Variants in GMPS observed in about 807,000 individuals in gnomAD.
GMPS encodes guanosine monophosphate synthase, also known as GMP synthase [glutamine-hydrolyzing].
In GMPS, 15 loss-of-function variants were observed where a neutral mutation model predicts 77.9. The observed-to-expected ratio is 0.19, with a 90% confidence interval of 0.13 to 0.30. The LOEUF is 0.30. Ranked by LOEUF, GMPS falls within the 10% of genes least tolerant of loss-of-function variation. The probability of loss-of-function intolerance (pLI) is 1.00; values close to 1 mark genes in which losing one functional copy is unlikely to be tolerated. For synonymous variants in GMPS, 224 were observed against 275.9 expected (o/e 0.81, Z 1.86); for missense variants, 590 against 838.8 (o/e 0.70, Z 3.66).
intron 3 of GMPS, among the ~76,000 whole-genome samples, chr3:155,903,120 A>G (rs974002414): frequency 1.3e-5 from 2 of 152,336 alleles, no homozygotes. Flanking sequence ...ATATCTTCTG[A>G]TATCTGTTGT....
chr3:155,932,343 A>G (rs1755648608), intron 13 of GMPS, among the ~76,000 whole-genome samples: 1 of 151,928 alleles, frequency 6.6e-6, no homozygotes, highest in South Asian at 2.1e-4. Flanking sequence ...CCCCCACTCC[A>G]AACAAAAATG....
At chr3:155,911,876 TA>T (rs1344413715) in intron 7 of GMPS, among the ~76,000 whole-genome samples, 1 of 151,890 alleles carries the variant, frequency 6.6e-6, no homozygotes, top group African/African-American at 2.4e-5. Flanking sequence ...TTTCCCACTC[TA>T]TTTAATGATA....
intron 1 of GMPS, among the ~76,000 whole-genome samples, chr3:155,873,289 A>G (rs12491537): frequency 6.6e-6 from 1 of 151,848 alleles, no homozygotes; most frequent in East Asian, 1.9e-4. Context: ...TTAATTTTTA[A>G]TTTATATTAT....
chr3:155,927,939 C>T (rs951370368), intron 12 of GMPS, among the ~76,000 whole-genome samples: 1 of 146,256 alleles, frequency 6.8e-6, no homozygotes, highest in Non-Finnish European at 1.5e-5. Context: ...TTAAACTGTT[C>T]TGTTTTTTAT....
At chr3:155,871,522 C>G (rs886258746) in intron 1 of GMPS, among the ~76,000 whole-genome samples, 3 of 152,226 alleles carry the variant, frequency 2.0e-5, no homozygotes, top group African/African-American at 4.8e-5. Flanking sequence ...TCCCCCTCCC[C>G]CAACGCCCCT....
Position 155,939,050 on chromosome 3 carries a change from G to A in GMPS, c.*1358G>A. 1 of 218,538 alleles carries A rather than the reference G, an allele frequency of 4.6e-6. No homozygotes were observed. The highest frequency in any genetic ancestry group is 9.2e-6 in the Non-Finnish European group (1 of 108,756). 13.5% of individuals were successfully genotyped at this position (218,538 alleles called of 1,614,324 possible). A position where few individuals can be genotyped will look rare whatever the true frequency, so the allele number is the denominator to read the frequency against. ...TAGACAAACAACAAAATGATGCGTG[G>A]CAGAAGTCATCTTTTTATTCTGGCT... On this transcript the variant is annotated 3_prime_UTR_variant, in exon 16 of 16. Coordinates refer to ENST00000496455, the MANE Select transcript of GMPS (RefSeq NM_003875.3).
intron 11 of GMPS, among the ~76,000 whole-genome samples, chr3:155,923,260 GAA>G (rs1358666343): frequency 6.6e-6 from 1 of 151,966 alleles, no homozygotes; most frequent in African/African-American, 2.4e-5. Context: ...TGAACTAAAA[GAA>G]AGTTGTTTAG....
chr3:155,929,893 T>C (rs1370541865), intron 12 of GMPS, among the ~76,000 whole-genome samples: 1 of 136,290 alleles, frequency 7.3e-6, no homozygotes, highest in African/African-American at 2.7e-5. Context: ...GAACATTCCA[T>C]GCTCATGGGT....
chr3:155,901,754 A>T (rs1754743899), intron 3 of GMPS, among the ~76,000 whole-genome samples: 1 of 151,570 alleles, frequency 6.6e-6, no homozygotes, highest in African/African-American at 2.4e-5. Context: ...TCATACGTTT[A>T]TTTGCCATTT....
At chr3:155,918,357 C>A (rs1028838905) in intron 9 of GMPS, among the ~76,000 whole-genome samples, 6 of 152,290 alleles carry the variant, frequency 3.9e-5, no homozygotes, top group Middle Eastern at 3.4e-3. Flanking sequence ...GAGGCTGAGG[C>A]AGGAGAATTG....
chr3:155,939,615 T>G lies in GMPS; in HGVS notation c.*1923T>G. On this transcript the variant is annotated 3_prime_UTR_variant, in exon 16 of 16. Coordinates refer to ENST00000496455, the MANE Select transcript of GMPS (RefSeq NM_003875.3). ...TTGTTAAATTCTGCTTAAATTAGTGTTTTCCTGATATTTGTTTTTTGAACA... is the reference window on the plus strand; with the variant it reads ...TTGTTAAATTCTGCTTAAATTAGTGGTTTCCTGATATTTGTTTTTTGAACA... 1 of 196,706 alleles carries G rather than the reference T, an allele frequency of 5.1e-6. No individual in the cohort carries two copies. The highest frequency in any genetic ancestry group is 1.1e-5 in the Non-Finnish European group (1 of 94,690). The allele number at this position is 196,706 out of a possible 1,614,324, so 12.2% of individuals were successfully genotyped here. A position where few individuals can be genotyped will look rare whatever the true frequency, so the allele number is the denominator to read the frequency against.
Position 155,894,698 on chromosome 3 carries a change from T to G in GMPS, c.209+999T>G, listed in dbSNP as rs35510283. Reference sequence around the variant, plus strand: ...TTTATTTTTCTTAAAAGAATTGTCTTTCCAGTGTGAAAGTGGTTAAAAGAA... The same window carrying G: ...TTTATTTTTCTTAAAAGAATTGTCTGTCCAGTGTGAAAGTGGTTAAAAGAA... On this transcript the variant is annotated intron_variant, in intron 2 of 15. Transcript: ENST00000496455. Among the ~76,000 whole-genome samples, 591 of 152,360 alleles carry G rather than the reference T, an allele frequency of 3.9e-3. 2 individuals are homozygous for G. The highest frequency in any genetic ancestry group is 7.4e-3 in the Non-Finnish European group (504 of 68,042).
intron 1 of GMPS, among the ~76,000 whole-genome samples, chr3:155,875,710 ATAT>A (rs1410201404): frequency 6.6e-6 from 1 of 152,214 alleles, no homozygotes; most frequent in Non-Finnish European, 1.5e-5. Context: ...GTTGCGTAGA[ATAT>A]TATTTTTTTC....
chr3:155,915,472 G>C (rs937850316), intron 8 of GMPS, among the ~76,000 whole-genome samples: 1 of 152,084 alleles, frequency 6.6e-6, no homozygotes, highest in Admixed American at 6.5e-5. Context: ...TGCAATCTTG[G>C]CTCACTGCAA....
chr3:155,932,719 C>T (rs780480651), intron 13 of GMPS, among the ~76,000 whole-genome samples: 21 of 152,256 alleles, frequency 1.4e-4, no homozygotes, highest in Non-Finnish European at 2.5e-4. Context: ...CTGCAGAAAT[C>T]AGAAGCTTAC....
At chr3:155,904,866 TG>T (rs1230278063) in intron 4 of GMPS, among the ~76,000 whole-genome samples, 1 of 152,184 alleles carries the variant, frequency 6.6e-6, no homozygotes, top group Non-Finnish European at 1.5e-5. Flanking sequence ...TCTAAAATTC[TG>T]GGACTCTATC....
rs1481071558 is a variant in GMPS, at chr3:155,942,728, C to T, written c.*5036C>T. 1.8e-5 allele frequency: 4 copies of T among 226,924 alleles called. No individual in the cohort carries two copies. The highest frequency in any genetic ancestry group is 8.9e-5 in the African/African-American group (4 of 45,020). The allele number at this position is 226,924 out of a possible 1,614,324, so 14.1% of individuals were successfully genotyped here. On this transcript the variant is annotated 3_prime_UTR_variant, in exon 16 of 16. Coordinates refer to ENST00000496455, the MANE Select transcript of GMPS (RefSeq NM_003875.3). ...TCTTTCTTCTTACTTCTTTACTTTT[C>T]CTTCAGAGAGGAGAAAGCCACCCCT...
chr3:155,875,795 A>G lies in GMPS; in HGVS notation c.27+4898A>G, dbSNP rs924951276. On this transcript the variant is annotated intron_variant, in intron 1 of 15. Coordinates refer to ENST00000496455, the MANE Select transcript of GMPS (RefSeq NM_003875.3). ...CGGTGGTTAAAAAAATTGCTTTATTATAGTAAAAACATAACAGTCAATTGG... is the reference window on the plus strand; with the variant it reads ...CGGTGGTTAAAAAAATTGCTTTATTGTAGTAAAAACATAACAGTCAATTGG... Among the ~76,000 whole-genome samples the G allele has an allele frequency of 8.5e-5, 13 of 152,300 alleles. No homozygotes were observed. In the East Asian group the frequency reaches 1.5e-3, roughly 18 times the overall value.
At chr3:155,901,540 G>A (rs906240719) in intron 3 of GMPS, among the ~76,000 whole-genome samples, 3 of 151,948 alleles carry the variant, frequency 2.0e-5, no homozygotes, top group Non-Finnish European at 4.4e-5. Flanking sequence ...GGGTCATAAT[G>A]TACATTTTCA....
Sources: allele counts gnomAD v4.1 joint callset (sites outside exome capture counted in the v4.1 genomes callset), GRCh38; gene constraint gnomAD v4.1.1; transcripts MANE v1.5; gene names NCBI Gene and HGNC (gene_info 2026-07-23, HGNC 2026-07-21).